The following EBF2 variants were observed in gnomAD, a reference collection of about 807,000 sequenced individuals.
EBF2 encodes the protein EBF transcription factor 2, also known as transcription factor COE2.
EBF2 carries 21 observed loss-of-function variants against 72.8 expected under a neutral mutation model. That is an observed-to-expected ratio of 0.29 (90% CI 0.20 to 0.42). EBF2 has a LOEUF of 0.42. Ranked by LOEUF, EBF2 falls within the 10% of genes least tolerant of loss-of-function variation. The probability of loss-of-function intolerance (pLI) is 1.00; values close to 1 mark genes in which losing one functional copy is unlikely to be tolerated. For missense variants in EBF2, 637 were observed against 731.2 expected (o/e 0.87, Z 1.49); for synonymous variants, 299 against 274.2 (o/e 1.09, Z -0.89).
intron 6 of EBF2, among the ~76,000 whole-genome samples, chr8:25,980,509 T>C (rs974770845): frequency 3.3e-5 from 5 of 152,142 alleles, no homozygotes; most frequent in African/African-American, 1.2e-4. Flanking sequence ...TGGCCTCCAA[T>C]GCTCCTCCTC....
chr8:26,000,964 G>T (rs1432920222), intron 6 of EBF2, among the ~76,000 whole-genome samples: 2 of 152,166 alleles, frequency 1.3e-5, no homozygotes. Flanking sequence ...GGAGGTTGGC[G>T]CAAAAATCAA....
chr8:25,951,169 T>C (rs577252354), intron 6 of EBF2, among the ~76,000 whole-genome samples: 18 of 152,238 alleles, frequency 1.2e-4, no homozygotes, highest in Non-Finnish European at 2.6e-4. Context: ...TATTTCATTA[T>C]AGAGAACACA....
At chr8:25,888,137 T>C (rs1362826007) in intron 8 of EBF2, among the ~76,000 whole-genome samples, 165 bp from the exon 9 acceptor site, 3 of 152,348 alleles carry the variant, frequency 2.0e-5, no homozygotes, top group South Asian at 4.1e-4. Flanking sequence ...AAAAGGTCCA[T>C]GTATAATTTT....
chr8:25,932,152 CCAGAACTGCA>C (rs1292439963), intron 6 of EBF2, among the ~76,000 whole-genome samples: 1 of 152,034 alleles, frequency 6.6e-6, no homozygotes, highest in Non-Finnish European at 1.5e-5. Flanking sequence ...GGTTCTAGTC[CCAGAACTGCA>C]CATAACTAGC....
chr8:25,929,955 C>G (rs1803454027), intron 6 of EBF2, among the ~76,000 whole-genome samples: 1 of 152,128 alleles, frequency 6.6e-6, no homozygotes, highest in African/African-American at 2.4e-5. Context: ...TTTAGGGTGG[C>G]TGATGCGGGA....
intron 6 of EBF2, among the ~76,000 whole-genome samples, chr8:25,954,876 G>A (rs1310756648): frequency 1.3e-5 from 2 of 152,200 alleles, no homozygotes; most frequent in Admixed American, 6.5e-5. Context: ...TGGCTTCCCC[G>A]AATGGATTGC....
intron 6 of EBF2, among the ~76,000 whole-genome samples, chr8:25,999,536 G>A (rs575783238): frequency 7.9e-5 from 12 of 151,038 alleles, no homozygotes; most frequent in Admixed American, 4.6e-4. Context: ...TCTTCCCTCC[G>A]CAATCTTGGT....
intron 8 of EBF2, 23 bp from the exon 9 acceptor site, chr8:25,887,995 G>T: frequency 6.3e-7 from 1 of 1,592,938 alleles, no homozygotes; most frequent in Non-Finnish European, 8.5e-7. Flanking sequence ...GAAAGAAAAA[G>T]TCAGGTTTGT....
intron 6 of EBF2, among the ~76,000 whole-genome samples, chr8:25,929,730 G>A (rs888279653): frequency 3.9e-5 from 6 of 152,166 alleles, no homozygotes; most frequent in Admixed American, 1.3e-4. Context: ...GTAAGGTCAT[G>A]TTGATCCTGG....
At chr8:25,934,275 A>C (rs1049817325) in intron 6 of EBF2, among the ~76,000 whole-genome samples, 2 of 138,086 alleles carry the variant, frequency 1.4e-5, no homozygotes, top group Non-Finnish European at 3.1e-5. Flanking sequence ...ACACACACAC[A>C]CCAATCTTGT....
At chr8:25,853,607 G>A (rs1563375570) in intron 14 of EBF2, among the ~76,000 whole-genome samples, 3 of 152,018 alleles carry the variant, frequency 2.0e-5, no homozygotes, top group African/African-American at 4.8e-5. Context: ...TTTAAAATGT[G>A]TACATCCCTT....
chr8:25,907,104 G>A (rs928345453), intron 7 of EBF2, among the ~76,000 whole-genome samples: 9 of 151,944 alleles, frequency 5.9e-5, no homozygotes, highest in African/African-American at 2.2e-4. Context: ...AATAAAAAAT[G>A]AATGTCACAT....
At chr8:25,963,006 A>G (rs1264632090) in intron 6 of EBF2, among the ~76,000 whole-genome samples, 1 of 152,178 alleles carries the variant, frequency 6.6e-6, no homozygotes, top group Non-Finnish European at 1.5e-5. Flanking sequence ...GCAGGGGAAA[A>G]GTTTAAGGAA....
rs546435598 is a variant in EBF2 at position 25,979,014 on chromosome 8, G to C, written c.551+54071C>G. On this transcript the variant is annotated intron_variant, in intron 6 of 15. Transcript: ENST00000520164. Reference sequence around the variant, plus strand: ...GCACCCTTAATCTTGTGACACGGAGGGTTCTCCGAATACCGTAGCTCATCT... The same window carrying C: ...GCACCCTTAATCTTGTGACACGGAGCGTTCTCCGAATACCGTAGCTCATCT... 2.8e-4 allele frequency among the ~76,000 whole-genome samples: 43 copies of C among 152,196 alleles called. 1 individual carries two copies. The highest frequency in any genetic ancestry group is 1.0e-3 in the African/African-American group (43 of 41,518).
At chr8:25,916,949 C>G (rs1803227269) in intron 6 of EBF2, among the ~76,000 whole-genome samples, 1 of 152,144 alleles carries the variant, frequency 6.6e-6, no homozygotes, top group African/African-American at 2.4e-5. Context: ...CAGGAAGGAG[C>G]TACTTCCCCC....
In EBF2 at chr8:25,862,734, G is replaced by C. The variant is rs1324575154; in HGVS notation, c.1073C>G (p.Pro358Arg). The C allele has an allele frequency of 1.3e-6, 2 of 1,599,586 alleles. No homozygotes were observed. The highest frequency in any genetic ancestry group is 1.7e-6 in the Non-Finnish European group (2 of 1,171,838). The change falls in exon 11 of 16, where the codon CCT becomes CGT. Residue 358 changes from proline (P) to arginine (R), a missense_variant. Physicochemically the swap from Pro to Arg is moderately radical, Grantham distance 103 (BLOSUM62 -2). Coordinates refer to ENST00000520164, the MANE Select transcript of EBF2 (RefSeq NM_022659.4). ...QRLQKVIPRH[P>R]GDPERLAKEM... ...CTTAGCTAATCTCTCAGGATCTCCA[G>C]GATGCCTAGGGATGACCTTCTGCAG... is the stretch of plus-strand genomic sequence containing the variant.
intron 1 of EBF2, among the ~76,000 whole-genome samples, chr8:26,043,316 C>T (rs1805640333): frequency 6.6e-6 from 1 of 152,266 alleles, no homozygotes. Context: ...CCTTCATTCA[C>T]TCTTTTGAAA....
At chr8:25,858,036 C>CTTAA (rs1802129262) in intron 14 of EBF2, 3 of 568,404 alleles carry the variant, frequency 5.3e-6, no homozygotes, top group Middle Eastern at 2.7e-4. Flanking sequence ...GAAATGGAAT[C>CTTAA]TTAATTCCTT....
At chr8:25,990,341 A>G (rs560775046) in intron 6 of EBF2, among the ~76,000 whole-genome samples, 115 of 152,322 alleles carry the variant, frequency 7.5e-4, no homozygotes, top group Non-Finnish European at 1.1e-3. Flanking sequence ...TCAAAACTTT[A>G]CAAGATCATA....
Sources: allele counts gnomAD v4.1 joint callset (sites outside exome capture counted in the v4.1 genomes callset), GRCh38; gene constraint gnomAD v4.1.1; transcripts MANE v1.5; gene names NCBI Gene and HGNC (gene_info 2026-07-23, HGNC 2026-07-21).